RFX4: variants seen among roughly 807,000 people sequenced by gnomAD.
RFX4 encodes the protein transcription factor RFX4.
RFX4 carries 10 observed loss-of-function variants against 95.0 expected under a neutral mutation model. The ratio of observed to expected loss-of-function variants is 0.11; its 90% CI spans 0.06 to 0.18. RFX4 has a LOEUF of 0.18. RFX4 is among the 10% of genes least tolerant of loss of function. The probability of loss-of-function intolerance (pLI) is 1.00; values close to 1 mark genes in which losing one functional copy is unlikely to be tolerated. For synonymous variants in RFX4, 321 were observed against 340.7 expected, an observed-to-expected ratio of 0.94 and a Z score of 0.64; for missense variants, 640 against 922.0, an observed-to-expected ratio of 0.69 and a Z score of 3.96.
intron 8 of RFX4, among the ~76,000 whole-genome samples, chr12:106,704,065 CAAAAAAAA>C (rs34213070): frequency 9.8e-5 from 4 of 40,940 alleles, no homozygotes; most frequent in South Asian, 1.1e-3. Context: ...GACACTGTCT[CAAAAAAAA>C]AAAAAAAAAA....
chr12:106,723,662 G>T (rs542657772), intron 13 of RFX4, among the ~76,000 whole-genome samples: 9 of 152,140 alleles, frequency 5.9e-5, no homozygotes, highest in Non-Finnish European at 1.0e-4. Flanking sequence ...GTCAGGGAGC[G>T]GCTCCCAGAA....
Position 106,745,360 on chromosome 12 carries a change from A to C in RFX4, c.1634-2077A>C, listed in dbSNP as rs190374168. ...GTCTCCTTTCATACTCTTAGAATAA[A>C]TCTTTGTCACCTCATTACAACAAAG... On this transcript the variant is annotated intron_variant, in intron 15 of 17. Transcript: ENST00000392842. Among the ~76,000 whole-genome samples, 7 of 152,336 alleles carry C rather than the reference A, an allele frequency of 4.6e-5. No individual in the cohort carries two copies. In the East Asian group the frequency reaches 1.4e-3, roughly 29 times the overall value.
chr12:106,594,102 T>G (rs1803132396), intron 1 of RFX4, among the ~76,000 whole-genome samples: 1 of 152,220 alleles, frequency 6.6e-6, no homozygotes, highest in South Asian at 2.1e-4. Context: ...GGGCTAAAAT[T>G]TCTTTTACTT....
At chr12:106,643,213 C>T (rs146641335) in intron 3 of RFX4, among the ~76,000 whole-genome samples, 273 of 152,258 alleles carry the variant, frequency 1.8e-3, no homozygotes, top group Non-Finnish European at 2.7e-3. Context: ...TTCAGCCTCC[C>T]AGTAGGGGGA....
At chr12:106,709,261 C>A in intron 8 of RFX4, 69 bp from the exon 9 acceptor site, 1 of 1,251,290 alleles carries the variant, frequency 8.0e-7, no homozygotes, top group South Asian at 1.3e-5. Flanking sequence ...GAAATAAAAC[C>A]CTCTAGGGGC....
At chr12:106,643,183 A>G (rs1253135016) in intron 3 of RFX4, among the ~76,000 whole-genome samples, 1 of 152,150 alleles carries the variant, frequency 6.6e-6, no homozygotes, top group Admixed American at 6.5e-5. Context: ...TGTTTTGCTG[A>G]GGATCACTCC....
chr12:106,719,209 A>C (rs1417141423), intron 11 of RFX4, among the ~76,000 whole-genome samples: 2 of 152,328 alleles, frequency 1.3e-5, no homozygotes, highest in East Asian at 1.9e-4. Context: ...TGGTAGGATT[A>C]TCTCTCTAAT....
chr12:106,720,802 A>C lies in RFX4; in HGVS notation c.1277A>C (p.Gln426Pro). 1 of 1,613,898 alleles carries C rather than the reference A, an allele frequency of 6.2e-7. No individual in the cohort carries two copies. Among genetic ancestry groups the C allele is most frequent in the Non-Finnish European group, 8.5e-7 (1 of 1,180,034 alleles). Residue 426 changes from glutamine (Q) to proline (P), a missense_variant, in exon 13 of 18, where the codon CAG (glutamine) becomes CCG (proline). Gln to Pro is a moderately conservative substitution (Grantham distance 76). Transcript: ENST00000392842. The surrounding 1 kb of genome is among the most constrained non-coding windows in gnomAD (Gnocchi z 4.2). ...RQGSLKKVAQ[Q>P]FLLMWSCFGT... ...GGGTCCTTGAAGAAAGTGGCCCAGC[A>C]GTTCCTCTTGATGTGGTCCTGTTTC...
At chr12:106,622,544 G>T (rs1362291374) in intron 2 of RFX4, among the ~76,000 whole-genome samples, 1 of 151,578 alleles carries the variant, frequency 6.6e-6, no homozygotes, top group Non-Finnish European at 1.5e-5. Flanking sequence ...ATGAGCTTTT[G>T]CTTACATATG....
chr12:106,601,276 A>C (rs1314948133), intron 1 of RFX4: 1 of 1,589,342 alleles, frequency 6.3e-7, no homozygotes, highest in Non-Finnish European at 8.6e-7. Flanking sequence ...GCTGAGACAG[A>C]ATGATCAAAA....
intron 15 of RFX4, among the ~76,000 whole-genome samples, chr12:106,740,148 G>A (rs2042781552): frequency 6.6e-6 from 1 of 152,162 alleles, no homozygotes; most frequent in South Asian, 2.1e-4. Context: ...TTAAATCATT[G>A]AGATACTAGG....
At chr12:106,610,237 C>CAAAAAA (rs398044781) in intron 2 of RFX4, among the ~76,000 whole-genome samples, 12 of 77,414 alleles carry the variant, frequency 1.6e-4, no homozygotes, top group Admixed American at 4.3e-4. Flanking sequence ...GACTCCATCT[C>CAAAAAA]AAAAAAAAAA....
At chr12:106,694,299 C>G (rs951132384) in intron 7 of RFX4, among the ~76,000 whole-genome samples, 6 of 152,222 alleles carry the variant, frequency 3.9e-5, no homozygotes, top group Non-Finnish European at 7.3e-5. Context: ...ACAGGGAAGT[C>G]CAGGCAGGCT....
chr12:106,688,780 T>A lies in RFX4; in HGVS notation c.592-507T>A, dbSNP rs531634111. ...GGAGGGGGAGATTAATTTTTTTTTT[T>A]ATTTTTGCTAAGCACATTGCAGAGA... On this transcript the variant is annotated intron_variant, in intron 6 of 17. Coordinates refer to ENST00000392842, the MANE Select transcript of RFX4 (RefSeq NM_213594.3). Among the ~76,000 whole-genome samples, 17 of 149,478 alleles carry A rather than the reference T, an allele frequency of 1.1e-4. No individual in the cohort carries two copies. The East Asian group carries it at 2.2e-3, about 19-fold the overall frequency.
At chr12:106,671,363 G>A (rs1162322581) in intron 4 of RFX4, among the ~76,000 whole-genome samples, 5 of 152,146 alleles carry the variant, frequency 3.3e-5, no homozygotes, top group Admixed American at 2.6e-4. Flanking sequence ...TATGTAGAGT[G>A]ATGAGACTGA....
intron 2 of RFX4, 150 bp downstream of exon 2, chr12:106,609,033 T>C: frequency 1.5e-6 from 1 of 646,262 alleles, no homozygotes; most frequent in South Asian, 2.2e-5. Flanking sequence ...GTCCTCTCTG[T>C]AATATTCCAC....
intron 2 of RFX4, among the ~76,000 whole-genome samples, chr12:106,616,272 G>T (rs532094229): frequency 1.3e-5 from 2 of 152,154 alleles, no homozygotes; most frequent in African/African-American, 4.8e-5. Flanking sequence ...GTTGAATTTT[G>T]AATGTTAAGC....
intron 1 of RFX4, among the ~76,000 whole-genome samples, chr12:106,597,787 G>C (rs1204299717): frequency 5.3e-5 from 8 of 152,116 alleles, no homozygotes; most frequent in Admixed American, 2.6e-4. Context: ...TTGAACCCTG[G>C]AATTTGAGGC....
At chr12:106,606,321 G>C (rs1478072462) in intron 1 of RFX4, among the ~76,000 whole-genome samples, 1 of 152,118 alleles carries the variant, frequency 6.6e-6, no homozygotes, top group Non-Finnish European at 1.5e-5. Context: ...AAGACCAGGG[G>C]TTGGCCCAGA....
Sources: allele counts gnomAD v4.1 joint callset (sites outside exome capture counted in the v4.1 genomes callset), GRCh38; gene constraint gnomAD v4.1.1; non-coding constraint Gnocchi (gnomAD v3.1); transcripts MANE v1.5; gene names NCBI Gene and HGNC (gene_info 2026-07-23, HGNC 2026-07-21).